The following SLC44A5 variants were observed in gnomAD, a reference collection of about 807,000 sequenced individuals.
The protein encoded by SLC44A5 is solute carrier family 44 member 5, also known as choline transporter-like protein 5.
In SLC44A5, 57 loss-of-function variants were observed where a neutral mutation model predicts 101.8. That is an observed-to-expected ratio of 0.56 (90% CI 0.45 to 0.70). The LOEUF (loss-of-function observed/expected upper bound fraction) is 0.70, where lower values mean the gene tolerates loss of function less well. Among genes scored for constraint, SLC44A5 ranks in the 30% least tolerant of loss-of-function variants. The pLI is 0.00. For synonymous variants in SLC44A5, 281 were observed against 290.9 expected, an observed-to-expected ratio of 0.97 and a Z score of 0.35; for missense variants, 737 against 853.1, an observed-to-expected ratio of 0.86 and a Z score of 1.70.
intron 4 of SLC44A5, among the ~76,000 whole-genome samples, chr1:75,311,399 G>A (rs1336347081): frequency 6.6e-6 from 1 of 152,180 alleles, no homozygotes; most frequent in Non-Finnish European, 1.5e-5. Flanking sequence ...TTACAGGCGT[G>A]AGCCACCGCA....
chr1:75,518,786 T>A lies in SLC44A5; in HGVS notation c.13+22649A>T, dbSNP rs543194660. Among the ~76,000 whole-genome samples the A allele has an allele frequency of 2.0e-4, 30 of 152,300 alleles. No homozygotes were observed. In the South Asian group the frequency reaches 6.0e-3, roughly 31 times the overall value. On this transcript the variant is annotated intron_variant, in intron 2 of 23. Coordinates refer to ENST00000370859, the MANE Select transcript of SLC44A5 (RefSeq NM_001130058.2). ...ATTGTATGATTCCATACATGTGAGA[T>A]GTCCAGACTAGGAAAATCAACAGAG...
At chr1:75,467,348 A>G (rs1666880463) in intron 2 of SLC44A5, among the ~76,000 whole-genome samples, 1 of 152,212 alleles carries the variant, frequency 6.6e-6, no homozygotes, top group South Asian at 2.1e-4. Context: ...TTTATATGGA[A>G]CCACAGAGGA....
the SLC44A5 span, among the ~76,000 whole-genome samples, chr1:75,679,277 C>A: frequency 6.6e-6 from 1 of 152,120 alleles, no homozygotes; most frequent in Non-Finnish European, 1.5e-5. Context: ...CAAAGATACT[C>A]CTCGAGAAGA....
At position 75,249,253 on chromosome 1, in the gene SLC44A5, A is replaced by G. The variant is rs1271037907; in HGVS notation, c.345+1957T>C. On this transcript the variant is annotated intron_variant, in intron 7 of 23. Transcript: ENST00000370859. ...GATTTACAAACTAATCCTAGGGACT[A>G]GCTTTGGGTATAGTTACCGGCACAT... Among the ~76,000 whole-genome samples, 7 of 152,250 alleles carry G rather than the reference A, an allele frequency of 4.6e-5. No homozygotes were observed. In the East Asian group the frequency reaches 1.4e-3, roughly 29 times the overall value.
At chr1:75,615,856 T>C, upstream of SLC44A5, 2 of 988,100 alleles carry the variant, frequency 2.0e-6, no homozygotes, top group Non-Finnish European at 2.4e-6. Context: ...GACTCACCCT[T>C]GATGCTGGGG....
intron 2 of SLC44A5, among the ~76,000 whole-genome samples, chr1:75,469,167 G>C (rs573494608): frequency 6.6e-6 from 1 of 152,170 alleles, no homozygotes; most frequent in African/African-American, 2.4e-5. Context: ...ATAAAAATGA[G>C]ATATTTTGAA....
intron 10 of SLC44A5, among the ~76,000 whole-genome samples, chr1:75,238,045 T>C (rs534371382): frequency 5.0e-4 from 76 of 152,096 alleles, no homozygotes; most frequent in Admixed American, 2.6e-3. Context: ...ACTTAGTACA[T>C]AGAAATTTGA....
At chr1:75,222,789 T>C (rs1401093933) in intron 13 of SLC44A5, among the ~76,000 whole-genome samples, 2 of 152,204 alleles carry the variant, frequency 1.3e-5, no homozygotes, top group South Asian at 2.1e-4. Flanking sequence ...CTATTTTAGA[T>C]GTTTTCACCT....
At position 75,292,805 on chromosome 1, in the gene SLC44A5, G is replaced by A. The variant is rs572900141; in HGVS notation, c.175+7807C>T. Among the ~76,000 whole-genome samples the A allele has an allele frequency of 3.9e-5, 6 of 151,990 alleles. No homozygotes were observed. In the South Asian group the frequency reaches 1.2e-3, roughly 32 times the overall value. On this transcript the variant is annotated intron_variant, in intron 5 of 23. Transcript: ENST00000370859. ...GAGAAAAGTATTAGTTGAAGATCAT[G>A]GGGTTCTGGTCTACCCCTCTCTCTG...
At chr1:75,422,569 T>C (rs1664072815) in intron 2 of SLC44A5, among the ~76,000 whole-genome samples, 1 of 152,176 alleles carries the variant, frequency 6.6e-6, no homozygotes, top group African/African-American at 2.4e-5. Flanking sequence ...TACACAACAG[T>C]AGCGATTACA....
intron 1 of SLC44A5, among the ~76,000 whole-genome samples, chr1:75,544,847 G>A (rs1033195256): frequency 2.6e-5 from 4 of 151,914 alleles, no homozygotes; most frequent in East Asian, 1.9e-4. Flanking sequence ...TCATGACATC[G>A]AAATTATTCA....
At chr1:75,440,008 CA>C (rs1390624941) in intron 2 of SLC44A5, among the ~76,000 whole-genome samples, 3 of 151,836 alleles carry the variant, frequency 2.0e-5, no homozygotes, top group African/African-American at 7.3e-5. Context: ...GCCAAGAAGA[CA>C]GGGGGAAAAT....
At chr1:75,254,653 C>T (rs1241668977) in intron 6 of SLC44A5, among the ~76,000 whole-genome samples, 4 of 151,964 alleles carry the variant, frequency 2.6e-5, no homozygotes, top group African/African-American at 7.3e-5. Flanking sequence ...ATTTGGAATA[C>T]GGGATGCATA....
At chr1:75,551,008 G>A (rs1396733246) in intron 1 of SLC44A5, among the ~76,000 whole-genome samples, 2 of 152,110 alleles carry the variant, frequency 1.3e-5, no homozygotes, top group Non-Finnish European at 2.9e-5. Flanking sequence ...AAAGAAGTTA[G>A]GTAATTGATG....
At chr1:75,400,530 T>C (rs185555987) in intron 2 of SLC44A5, among the ~76,000 whole-genome samples, 124 of 152,312 alleles carry the variant, frequency 8.1e-4, no homozygotes, top group Non-Finnish European at 1.4e-3. Flanking sequence ...TTCTATTCAC[T>C]CTTTGGGCTT....
At chr1:75,564,428 G>T (rs1445719064) in intron 1 of SLC44A5, among the ~76,000 whole-genome samples, 1 of 105,404 alleles carries the variant, frequency 9.5e-6, no homozygotes, top group Non-Finnish European at 1.9e-5. Flanking sequence ...TCCCCCAAAA[G>T]GATTTTTTTT....
the SLC44A5 span, among the ~76,000 whole-genome samples, chr1:75,684,297 T>C: frequency 2.0e-5 from 3 of 152,294 alleles, no homozygotes; most frequent in East Asian, 3.9e-4. Context: ...AACCATATTA[T>C]TGCATCCTTG....
intron 1 of SLC44A5, among the ~76,000 whole-genome samples, chr1:75,593,877 G>A (rs1674492873): frequency 6.6e-6 from 1 of 151,776 alleles, no homozygotes; most frequent in Admixed American, 6.6e-5. Flanking sequence ...TAGTTAATGG[G>A]TACAAAAAAT....
At chr1:75,520,000 C>T (rs1344755936) in intron 2 of SLC44A5, among the ~76,000 whole-genome samples, 2 of 152,164 alleles carry the variant, frequency 1.3e-5, no homozygotes, top group Non-Finnish European at 2.9e-5. Flanking sequence ...TCACTGAAAT[C>T]ATAAAGGTCA....
Sources: allele counts gnomAD v4.1 joint callset (sites outside exome capture counted in the v4.1 genomes callset), GRCh38; gene constraint gnomAD v4.1.1; transcripts MANE v1.5; gene names NCBI Gene and HGNC (gene_info 2026-07-23, HGNC 2026-07-21).